PPHLN1: variants seen among roughly 807,000 people sequenced by gnomAD.
PPHLN1 encodes periphilin-1.
PPHLN1 carries 29 observed loss-of-function variants against 51.3 expected under a neutral mutation model. That is an observed-to-expected ratio of 0.57 (90% confidence interval 0.42 to 0.77). The LOEUF (loss-of-function observed/expected upper bound fraction) is 0.77. Among genes scored for constraint, PPHLN1 ranks in the 30% least tolerant of loss-of-function variants. The pLI is 0.00. For missense variants in PPHLN1, 436 were observed against 438.4 expected (o/e 0.99, Z 0.05); for synonymous variants, 147 against 147.8 (o/e 0.99, Z 0.04).
At chr12:42,384,234 G>A (rs1412820213) in intron 5 of PPHLN1, among the ~76,000 whole-genome samples, 1 of 151,496 alleles carries the variant, frequency 6.6e-6, no homozygotes, top group African/African-American at 2.4e-5. Context: ...CAGAAAAAAT[G>A]TTATTTTCTC....
At chr12:42,415,857 G>C (rs927270164) in intron 9 of PPHLN1, among the ~76,000 whole-genome samples, 2 of 152,232 alleles carry the variant, frequency 1.3e-5, no homozygotes, top group Non-Finnish European at 2.9e-5. Context: ...ACTTGTTCAA[G>C]TTTATGCTAG....
chr12:42,446,336 A>G, downstream of PPHLN1: 3 of 1,528,916 alleles, frequency 2.0e-6, no homozygotes, highest in Non-Finnish European at 2.6e-6. Flanking sequence ...ACCCGTACCT[A>G]CTATACCCTA....
intron 5 of PPHLN1, among the ~76,000 whole-genome samples, chr12:42,383,582 G>A (rs1338377452): frequency 6.6e-6 from 1 of 152,118 alleles, no homozygotes; most frequent in Non-Finnish European, 1.5e-5. Flanking sequence ...GTTGCTATAG[G>A]TGAACTAAGG....
At chr12:42,335,741 C>G in intron 1 of PPHLN1, 142 bp from the exon 2 acceptor site, 24 of 203,388 alleles carry the variant, frequency 1.2e-4, no homozygotes, top group Non-Finnish European at 1.5e-4. Context: ...AAGAAACATT[C>G]TTTCTTTTGG....
intron 9 of PPHLN1, chr12:42,431,812 C>T: frequency 3.2e-6 from 4 of 1,263,192 alleles, no homozygotes; most frequent in Non-Finnish European, 4.7e-6. Flanking sequence ...TCTGAAGGAC[C>T]ATGCTCTTCA....
intron 9 of PPHLN1, chr12:42,431,766 T>C: frequency 9.6e-7 from 1 of 1,038,734 alleles, no homozygotes; most frequent in Admixed American, 1.7e-5. Flanking sequence ...AGAAATGTCA[T>C]TGCCAGAAGC....
intron 5 of PPHLN1, among the ~76,000 whole-genome samples, chr12:42,383,836 T>C (rs1204990341): frequency 2.0e-5 from 3 of 151,444 alleles, no homozygotes; most frequent in Non-Finnish European, 2.9e-5. Context: ...AAAAAAAAAT[T>C]AGCCAGGTGT....
chr12:42,339,363 C>G (rs1414950010), intron 2 of PPHLN1, among the ~76,000 whole-genome samples: 1 of 152,106 alleles, frequency 6.6e-6, no homozygotes, highest in African/African-American at 2.4e-5. Flanking sequence ...TCCCAAGACT[C>G]AGGTGCATTT....
At chr12:42,395,946 A>G (rs548728266) in intron 8 of PPHLN1, among the ~76,000 whole-genome samples, 5 of 152,308 alleles carry the variant, frequency 3.3e-5, no homozygotes, top group East Asian at 1.9e-4. Flanking sequence ...GGTAAATTCA[A>G]TAATATACTT....
intron 9 of PPHLN1, among the ~76,000 whole-genome samples, chr12:42,401,501 G>A (rs2078842296): frequency 6.6e-6 from 1 of 151,074 alleles, no homozygotes; most frequent in African/African-American, 2.4e-5. Context: ...CAGGAGGTGA[G>A]TGGCCATGGG....
At chr12:42,388,861 G>A (rs542692667) in intron 7 of PPHLN1, among the ~76,000 whole-genome samples, 2 of 152,328 alleles carry the variant, frequency 1.3e-5, no homozygotes, top group African/African-American at 4.8e-5. Context: ...AGGATCACTT[G>A]AGCCCAGGAG....
chr12:42,440,397 G>A (rs1408533248), intron 9 of PPHLN1, among the ~76,000 whole-genome samples: 1 of 152,148 alleles, frequency 6.6e-6, no homozygotes, highest in African/African-American at 2.4e-5. Flanking sequence ...TTATTTAGAA[G>A]TGTGTTGTTT....
Position 42,352,032 on chromosome 12 carries a change from G to A in PPHLN1, c.220G>A (p.Gly74Ser). 6.5e-7 allele frequency: 1 copy of A among 1,530,978 alleles called. No homozygotes were observed. Among genetic ancestry groups the A allele is most frequent in the Non-Finnish European group, 8.7e-7 (1 of 1,145,148 alleles). 94.8% of individuals were successfully genotyped at this position (1,530,978 alleles called of 1,614,324 possible). A position where few individuals can be genotyped will look rare whatever the true frequency, so the allele number is the denominator to read the frequency against. Residue 74 changes from glycine (G) to serine (S), a missense_variant, in exon 3 of 10, where the codon GGT (glycine) becomes AGT (serine). Transcript: ENST00000358314. ...CAGTTTTTCTCATGATCGAAGAAGTGGTCCACCTCACAGAGGAGTATGTAA... is the reference window on the plus strand; with the variant it reads ...CAGTTTTTCTCATGATCGAAGAAGTAGTCCACCTCACAGAGGAGTATGTAA... Reference protein sequence around the residue: ...GRSFSHDRRSGPPHRGDESGY... With the variant: ...GRSFSHDRRSSPPHRGDESGY...
intron 1 of PPHLN1, among the ~76,000 whole-genome samples, chr12:42,326,828 A>C (rs1284670268): frequency 1.3e-5 from 2 of 152,178 alleles, no homozygotes; most frequent in Non-Finnish European, 2.9e-5. Context: ...AAGGTAATTT[A>C]TACTTCTGCC....
chr12:42,362,404 T>C (rs1355182291), intron 4 of PPHLN1, among the ~76,000 whole-genome samples: 1 of 152,184 alleles, frequency 6.6e-6, no homozygotes, highest in Non-Finnish European at 1.5e-5. Context: ...TTTTTTTCTT[T>C]TGTTACTCAT....
chr12:42,365,651 A>G (rs762693047), intron 4 of PPHLN1, among the ~76,000 whole-genome samples: 1 of 152,208 alleles, frequency 6.6e-6, no homozygotes, highest in African/African-American at 2.4e-5. Flanking sequence ...ATTTTGAGAG[A>G]CAGTGCCTTA....
chr12:42,446,197 G>T (rs1466852104), downstream of PPHLN1: 6 of 1,612,450 alleles, frequency 3.7e-6, no homozygotes, highest in East Asian at 8.9e-5. Flanking sequence ...CAACTCAGGA[G>T]GCTGAGAGGA....
chr12:42,434,479 G>A (rs1325993385), intron 9 of PPHLN1, among the ~76,000 whole-genome samples: 1 of 152,184 alleles, frequency 6.6e-6, no homozygotes, highest in Non-Finnish European at 1.5e-5. Context: ...TCAGTTTATA[G>A]TTGCCTGGTC....
intron 4 of PPHLN1, 88 bp downstream of exon 4, chr12:42,355,310 A>G (rs1458119890): frequency 8.7e-7 from 1 of 1,153,104 alleles, no homozygotes; most frequent in Non-Finnish European, 1.3e-6. Context: ...AGGCACATAG[A>G]TGAAATATTT....
Sources: allele counts gnomAD v4.1 joint callset (sites outside exome capture counted in the v4.1 genomes callset), GRCh38; gene constraint gnomAD v4.1.1; transcripts MANE v1.5; gene names NCBI Gene and HGNC (gene_info 2026-07-23, HGNC 2026-07-21).